The following SSC4D variants were observed in gnomAD, a reference collection of about 807,000 sequenced individuals.
SSC4D encodes the protein scavenger receptor cysteine-rich domain-containing group B protein.
A neutral mutation model predicts 63.4 loss-of-function variants in SSC4D; 57 were observed. The observed-to-expected ratio is 0.90, with a 90% CI of 0.73 to 1.12. The LOEUF (loss-of-function observed/expected upper bound fraction) is 1.12, where lower values mean the gene tolerates loss of function less well. Among genes scored for constraint, SSC4D ranks in the 50% most tolerant of loss-of-function variants. The pLI, the probability that SSC4D is intolerant of heterozygous loss-of-function variation, is 0.00. For synonymous variants in SSC4D, 352 were observed against 345.4 expected (o/e 1.02, Z -0.21); for missense variants, 791 against 806.4 (o/e 0.98, Z 0.23).
At chr7:76,391,870 G>T in intron 10 of SSC4D, 94 bp downstream of exon 10, 1 of 1,295,794 alleles carries the variant, frequency 7.7e-7, no homozygotes, top group Non-Finnish European at 1.1e-6. Flanking sequence ...GTGTGAATCT[G>T]CTGAGCTTTA....
chr7:76,400,539 C>T lies in SSC4D; in HGVS notation c.222G>A (p.Met74Ile), dbSNP rs778626772. ...AGACGCTGCCCCAGGAGCCACCGTG[C>T]ATGACTTCCAGGCGGCCCCGGCAGC... ...PSRCRGRLEV[M>I]HGGSWGSVCD... is the part of the protein sequence containing the mutation. Residue 74 changes from methionine to isoleucine, a missense_variant, in exon 4 of 11, where the codon ATG becomes ATA. Physicochemically the swap from Met to Ile is conservative, Grantham distance 10. Transcript: ENST00000275560. 11 of 1,552,256 alleles carry T rather than the reference C, an allele frequency of 7.1e-6. No homozygotes were observed. Among genetic ancestry groups the T allele is most frequent in the Non-Finnish European group, 9.6e-6 (11 of 1,146,954 alleles).
At chr7:76,405,554 A>G (rs1010527857) in intron 1 of SSC4D, among the ~76,000 whole-genome samples, 2 of 150,986 alleles carry the variant, frequency 1.3e-5, no homozygotes, top group Non-Finnish European at 2.9e-5. Flanking sequence ...AGGCTGAGGT[A>G]GGAGGATCAC....
intron 6 of SSC4D, among the ~76,000 whole-genome samples, chr7:76,396,100 A>G (rs189066171): frequency 6.6e-6 from 1 of 152,352 alleles, no homozygotes; most frequent in East Asian, 1.9e-4. Context: ...CTGCCCTCCT[A>G]CAGCCCCTCT....
At chr7:76,405,932 C>T (rs1805010794) in intron 1 of SSC4D, among the ~76,000 whole-genome samples, 3 of 151,410 alleles carry the variant, frequency 2.0e-5, no homozygotes, top group African/African-American at 7.3e-5. Context: ...CCCTTTCTTG[C>T]CTCCCTCCCT....
intron 1 of SSC4D, among the ~76,000 whole-genome samples, chr7:76,408,263 T>A (rs1030322871): frequency 6.6e-6 from 1 of 152,080 alleles, no homozygotes; most frequent in East Asian, 1.9e-4. Context: ...CCTATCTGGA[T>A]GCAGACACAG....
At chr7:76,395,171 G>T in intron 7 of SSC4D, 82 bp downstream of exon 7, 1 of 1,538,280 alleles carries the variant, frequency 6.5e-7, no homozygotes, top group Non-Finnish European at 9.0e-7. Context: ...GCCCCCGCCT[G>T]TGAATCCAGA....
In SSC4D at chr7:76,406,291, T is replaced by A. The variant is rs1281955335; in HGVS notation, c.-66-1786A>T. Reference sequence around the variant, plus strand: ...CCGCACCTGGTCTGTGCATTCGAAATATAGTATTGGTGCCACGGACAGCAA... The same window carrying A: ...CCGCACCTGGTCTGTGCATTCGAAAAATAGTATTGGTGCCACGGACAGCAA... On this transcript the variant is annotated intron_variant, in intron 1 of 10. Coordinates refer to ENST00000275560, the MANE Select transcript of SSC4D (RefSeq NM_080744.2). Among the ~76,000 whole-genome samples, 6 of 152,268 alleles carry A rather than the reference T, an allele frequency of 3.9e-5. No individual in the cohort carries two copies. In the East Asian group the frequency reaches 1.2e-3, roughly 29 times the overall value.
At chr7:76,394,601 TATTTTTAGTAGGGATGGG>T (rs1804586308) in intron 7 of SSC4D, among the ~76,000 whole-genome samples, 1 of 149,814 alleles carries the variant, frequency 6.7e-6, no homozygotes, top group Non-Finnish European at 1.5e-5. Context: ...TTAATTTTTG[TATTTTTAGTAGGGATGGG>T]ATTTCACCAT....
chr7:76,404,460 C>CAGAT lies in SSC4D; in HGVS notation c.-25_-22dup. ...TGCATCTAGATGGTGAAGGGTGTTT[C>CAGAT]AGATGCTCCCATCAAGGCGCCAGGG... is the stretch of plus-strand genomic sequence containing the variant. On this transcript the variant is annotated 5_prime_UTR_variant, in exon 2 of 11. An upstream open reading frame in the 5' UTR gains an earlier in-frame stop. Transcript: ENST00000275560. 6.2e-7 allele frequency: 1 copy of CAGAT among 1,613,888 alleles called. No homozygotes were observed. Among genetic ancestry groups the CAGAT allele is most frequent in the East Asian group, 2.2e-5 (1 of 44,856 alleles).
intron 2 of SSC4D, among the ~76,000 whole-genome samples, chr7:76,401,651 A>T (rs1443026573): frequency 6.6e-6 from 1 of 152,188 alleles, no homozygotes; most frequent in Non-Finnish European, 1.5e-5. Context: ...TCCTGACCTC[A>T]GGTAATCCAC....
Position 76,404,511 on chromosome 7 carries a change from A to G in SSC4D, c.-66-6T>C. On this transcript the variant is annotated splice_polypyrimidine_tract_variant and splice_region_variant and intron_variant, in intron 1 of 10. Transcript: ENST00000275560. ...AGAAGTCACAGTTGGAACATCTGAA[A>G]TTAAAGATCCCAAATGTTGCTGGGC... is the stretch of plus-strand genomic sequence containing the variant. The G allele has an allele frequency of 6.2e-7, 1 of 1,610,392 alleles. No homozygotes were observed. The highest frequency in any genetic ancestry group is 8.5e-7 in the Non-Finnish European group (1 of 1,179,052).
intron 7 of SSC4D, among the ~76,000 whole-genome samples, chr7:76,394,440 G>A (rs1171523926): frequency 2.7e-5 from 4 of 145,718 alleles, no homozygotes; most frequent in African/African-American, 1.0e-4. Flanking sequence ...ACAGAGTTTC[G>A]CTCTGTCTCG....
At position 76,393,703 on chromosome 7, in the gene SSC4D, T is replaced by G; in HGVS notation, c.1035A>C (p.Arg345=). ...WAAGKKSGRL[R]LVGGPGPCRG... ...GGCACGGACCCGGGCCGCCCACCAG[T>G]CGCAGCCGTCCACCTGCGGGGCGCA... Residue 345 remains arginine (R), a synonymous_variant, in exon 9 of 11, where the codon CGA becomes CGC. Coordinates refer to ENST00000275560, the MANE Select transcript of SSC4D (RefSeq NM_080744.2). 7.2e-7 allele frequency: 1 copy of G among 1,392,674 alleles called. No individual in the cohort carries two copies. Among genetic ancestry groups the G allele is most frequent in the Non-Finnish European group, 9.2e-7 (1 of 1,081,326 alleles). 86.3% of individuals were successfully genotyped at this position (1,392,674 alleles called of 1,614,324 possible). A position where few individuals can be genotyped will look rare whatever the true frequency, so the allele number is the denominator to read the frequency against.
In SSC4D at chr7:76,409,684, G is replaced by C. The variant is rs1371183236; in HGVS notation, c.-337C>G. On this transcript the variant is annotated 5_prime_UTR_variant, in exon 1 of 11. Coordinates refer to ENST00000275560, the MANE Select transcript of SSC4D (RefSeq NM_080744.2). ...GGAGGTGGCCGGCACCAGCTGGAGC[G>C]GCCCCAGAAAAAGGGCACCCAGGTG... The C allele has an allele frequency of 6.6e-6, 1 of 152,492 alleles. No individual in the cohort carries two copies. Among genetic ancestry groups the C allele is most frequent in the Admixed American group, 6.5e-5 (1 of 15,268 alleles). The allele number at this position is 152,492 out of a possible 1,614,324, so 9.4% of individuals were successfully genotyped here.
intron 5 of SSC4D, 126 bp downstream of exon 5, chr7:76,398,594 C>G (rs561005093): frequency 2.0e-5 from 22 of 1,102,598 alleles, no homozygotes; most frequent in Non-Finnish European, 3.0e-5. Flanking sequence ...TGTGAGCCAC[C>G]ATGCCCAGCC....
rs1286367863 is a variant in SSC4D at position 76,400,497 on chromosome 7, G to A, written c.264C>T (p.Asp88=). 15 of 1,600,424 alleles carry A rather than the reference G, an allele frequency of 9.4e-6. No homozygotes were observed. The highest frequency in any genetic ancestry group is 6.7e-5 in the South Asian group (6 of 89,900). Residue 88 remains aspartate (D), a synonymous_variant, in exon 4 of 11, where the codon GAC becomes GAT. Coordinates refer to ENST00000275560, the MANE Select transcript of SSC4D (RefSeq NM_080744.2). ...GACACACTACGTTGGCGTCCACCAC[G>A]TCCCAGTCGTCATCACAGACGCTGC... ...SWGSVCDDDW[D]VVDANVVCRQ...
intron 9 of SSC4D, 112 bp downstream of exon 9, chr7:76,393,293 G>A: frequency 8.8e-7 from 1 of 1,140,924 alleles, no homozygotes; most frequent in Non-Finnish European, 1.1e-6. Flanking sequence ...GAGTGCGCAT[G>A]CTCCCCGGGC....
rs374409887 is a variant in SSC4D at position 76,393,412 on chromosome 7, G to C, written c.1326C>G (p.Leu442=). Reference sequence around the variant, plus strand: ...CTTCGCTGTCAGCCTCACCTGCGCAGAGCGCTCCCGCGTCCTCGTGGTGGC... The same window carrying C: ...CTTCGCTGTCAGCCTCACCTGCGCACAGCGCTCCCGCGTCCTCGTGGTGGC... The part of the protein sequence containing the change: ...NCGHHEDAGA[L]CAGPEELGLQ... Residue 442 remains leucine (L), a synonymous_variant, in exon 9 of 11, where the codon CTC becomes CTG. Transcript: ENST00000275560. 2.7e-6 allele frequency: 4 copies of C among 1,474,626 alleles called. No homozygotes were observed. Among genetic ancestry groups the C allele is most frequent in the Non-Finnish European group, 3.6e-6 (4 of 1,116,636 alleles). The allele number at this position is 1,474,626 out of a possible 1,614,324, so 91.3% of individuals were successfully genotyped here.
At chr7:76,396,348 C>T (rs1390087176) in intron 6 of SSC4D, among the ~76,000 whole-genome samples, 1 of 152,172 alleles carries the variant, frequency 6.6e-6, no homozygotes, top group Non-Finnish European at 1.5e-5. Flanking sequence ...ACGCAGACAA[C>T]CCAAAAATTA....
Sources: gnomAD v4.1 joint callset for allele counts (sites outside exome capture counted in the v4.1 genomes callset) on GRCh38, gnomAD v4.1.1 for gene constraint, MANE v1.5 for transcripts, NCBI Gene and HGNC (gene_info 2026-07-23, HGNC 2026-07-21) for gene names.